MRPL20: variants seen among roughly 807,000 people sequenced by gnomAD.
The protein encoded by MRPL20 is large ribosomal subunit protein bL20m.
A neutral mutation model predicts 20.0 loss-of-function variants in MRPL20; 21 were observed. That is an observed-to-expected ratio of 1.05 (90% CI 0.74 to 1.51). MRPL20 has a LOEUF of 1.51. MRPL20 is among the 40% of genes most tolerant of loss of function. The pLI, the probability that MRPL20 is intolerant of heterozygous loss-of-function variation, is 0.00. For missense variants in MRPL20, 252 were observed against 185.6 expected (o/e 1.36, Z -2.08); for synonymous variants, 104 against 73.0 (o/e 1.43, Z -2.17).
Position 1,402,105 on chromosome 1 carries a change from G to A in MRPL20, c.428C>T (p.Ser143Phe). 6.2e-7 allele frequency: 1 copy of A among 1,614,016 alleles called. No homozygotes were observed. Among genetic ancestry groups the A allele is most frequent in the Non-Finnish European group, 8.5e-7 (1 of 1,179,986 alleles). Residue 143 changes from serine (S) to phenylalanine (F), a missense_variant, in exon 4 of 4, where the codon TCC (serine) becomes TTC (phenylalanine). Transcript: ENST00000344843. ...GDGKEPEGIFSRVVQYH is the reference protein window; with the variant it reads ...GDGKEPEGIFFRVVQYH Reference sequence around the variant, plus strand: ...TCCTCAGTGGTACTGCACCACTCTGGAAAAAATGCCTTCAGGTTCCTTCCC... The same window carrying A: ...TCCTCAGTGGTACTGCACCACTCTGAAAAAAATGCCTTCAGGTTCCTTCCC...
At chr1:1,405,909 T>C (rs774124047) in intron 2 of MRPL20, 23 bp from the exon 3 acceptor site, 7 of 1,596,926 alleles carry the variant, frequency 4.4e-6, no homozygotes, top group Middle Eastern at 3.3e-4. Context: ...AACATGAAGA[T>C]ACTTAAAAAT....
In MRPL20 at chr1:1,407,016, A is replaced by T. The variant is rs780306569; in HGVS notation, c.91T>A (p.Phe31Ile). Residue 31 changes from phenylalanine (F) to isoleucine (I), a missense_variant, in exon 2 of 4, where the codon TTC becomes ATC. Transcript: ENST00000344843. Reference sequence around the variant, plus strand: ...TAGCAGCGATTTTTCCTTCCCCGGAAGTGCTGGGACAGAAAACGAGAAACC... The same window carrying T: ...TAGCAGCGATTTTTCCTTCCCCGGATGTGCTGGGACAGAAAACGAGAAACC... ...IQEVLKHARH[F>I]RGRKNRCYRL... The T allele has an allele frequency of 2.1e-5, 34 of 1,613,422 alleles. 1 individual carries two copies. Among genetic ancestry groups the T allele is most frequent in the East Asian group, 2.2e-5 (1 of 44,878 alleles).
At chr1:1,402,414 C>A in intron 3 of MRPL20, 158 bp from the exon 4 acceptor site, 2 of 1,386,306 alleles carry the variant, frequency 1.4e-6, no homozygotes, top group Non-Finnish European at 1.9e-6. Flanking sequence ...CAGAGGACTT[C>A]CAGGCAGGAT....
intron 2 of MRPL20, chr1:1,406,689 G>A (rs1157952487): frequency 6.9e-6 from 4 of 577,960 alleles, no homozygotes; most frequent in South Asian, 5.8e-5. Context: ...GCCCGGGCGA[G>A]GGGCTGGAGC....
chr1:1,402,704 G>T, intron 3 of MRPL20: 1 of 863,848 alleles, frequency 1.2e-6, no homozygotes, highest in Non-Finnish European at 1.4e-6. Flanking sequence ...AGCTACCAAG[G>T]CAGGGCACGG....
Position 1,402,072 on chromosome 1 carries a change from A to G in MRPL20, c.*11T>C. ...CTCTGTCTCTTTTCCTAATCAATAC[A>G]GCAACAGTCCTCAGTGGTACTGCAC... On this transcript the variant is annotated 3_prime_UTR_variant, in exon 4 of 4. Coordinates refer to ENST00000344843, the MANE Select transcript of MRPL20 (RefSeq NM_017971.4). The G allele has an allele frequency of 6.2e-7, 1 of 1,604,568 alleles. No homozygotes were observed. The highest frequency in any genetic ancestry group is 8.5e-7 in the Non-Finnish European group (1 of 1,176,646).
At chr1:1,404,050 G>C (rs912059470) in intron 3 of MRPL20, among the ~76,000 whole-genome samples, 1 of 151,484 alleles carries the variant, frequency 6.6e-6, no homozygotes, top group East Asian at 1.9e-4. Flanking sequence ...CATTGCCCAG[G>C]CTGCTGTCGA....
intron 2 of MRPL20, chr1:1,406,513 C>G (rs1332293487): frequency 4.1e-6 from 1 of 241,876 alleles, no homozygotes; most frequent in Non-Finnish European, 8.3e-6. Flanking sequence ...CAGGCGTGGT[C>G]TCTTCGAGGA....
chr1:1,405,759 G>C (rs369483009), intron 3 of MRPL20, 50 bp downstream of exon 3: 15 of 1,613,936 alleles, frequency 9.3e-6, no homozygotes, highest in Non-Finnish European at 1.7e-6. Flanking sequence ...CCGCATGATG[G>C]TTTCTGCAGA....
At chr1:1,406,707 G>A (rs2100399836) in intron 2 of MRPL20, 3 of 601,454 alleles carry the variant, frequency 5.0e-6, no homozygotes, top group South Asian at 3.6e-5. Context: ...AGCAGGGGGT[G>A]ACAGTGGGGG....
chr1:1,405,316 T>C (rs4970446), intron 3 of MRPL20: 39,538 of 326,714 alleles, frequency 0.12, 4,070 homozygotes, highest in African/African-American at 0.34. Flanking sequence ...TGCTCTCACC[T>C]AGGCTAGAGT....
intron 3 of MRPL20, 108 bp from the exon 4 acceptor site, chr1:1,402,364 G>A (rs1465469251): frequency 2.8e-5 from 41 of 1,446,918 alleles, no homozygotes; most frequent in Non-Finnish European, 3.6e-5. Flanking sequence ...CTCGCCTGGG[G>A]GGAGGGAAGG....
At chr1:1,402,556 G>A in intron 3 of MRPL20, 2 of 1,130,646 alleles carry the variant, frequency 1.8e-6, no homozygotes, top group Non-Finnish European at 2.2e-6. Context: ...CCCTGACTGA[G>A]CTGACTGCTG....
intron 3 of MRPL20, 54 bp downstream of exon 3, chr1:1,405,755 G>A (rs767633018): frequency 1.2e-5 from 19 of 1,613,918 alleles, no homozygotes; most frequent in Admixed American, 8.3e-5. Context: ...CGCCCCGCAT[G>A]ATGGTTTCTG....
chr1:1,406,336 C>T (rs768725284), intron 2 of MRPL20: 1 of 177,278 alleles, frequency 5.6e-6, no homozygotes, highest in Non-Finnish European at 1.2e-5. Context: ...GGTGACAGCG[C>T]GAGACTCCGT....
chr1:1,406,447 T>G, intron 2 of MRPL20: 1 of 200,248 alleles, frequency 5.0e-6, no homozygotes, highest in Non-Finnish European at 1.0e-5. Context: ...GTGGACAGAG[T>G]GGAGGCGCCA....
chr1:1,403,293 G>C (rs1249674602), intron 3 of MRPL20, among the ~76,000 whole-genome samples: 1 of 151,742 alleles, frequency 6.6e-6, no homozygotes, highest in Non-Finnish European at 1.5e-5. Context: ...GCCCAAGCTG[G>C]AGTGCAGTGG....
In MRPL20 at chr1:1,406,996, G is replaced by C. The variant is rs1313349052; in HGVS notation, c.111C>G (p.Arg37=). 6.2e-7 allele frequency: 1 copy of C among 1,613,830 alleles called. No homozygotes were observed. Among genetic ancestry groups the C allele is most frequent in the South Asian group, 1.1e-5 (1 of 91,088 alleles). Residue 37 remains arginine (R), a synonymous_variant, in exon 2 of 4, where the codon CGC becomes CGG. Coordinates refer to ENST00000344843, the MANE Select transcript of MRPL20 (RefSeq NM_017971.4). ...CGGTTCTGACCGCCAACCTGTAGCA[G>C]CGATTTTTCCTTCCCCGGAAGTGCT... ...HARHFRGRKN[R]CYRLAVRTVI... is the part of the protein sequence containing the mutation.
rs1364631572 is a variant in MRPL20, at chr1:1,404,591, C to A, written c.276+1218G>T. 2.0e-5 allele frequency among the ~76,000 whole-genome samples: 3 copies of A among 151,450 alleles called. No individual in the cohort carries two copies. The East Asian group carries it at 5.8e-4, about 29-fold the overall frequency. On this transcript the variant is annotated intron_variant, in intron 3 of 3. Transcript: ENST00000344843. The stretch of plus-strand genomic sequence containing the variant: ...ACTCGGCTCACTGCAGCCTCTGCCT[C>A]CCAAGTTCAAGCGATTCTCCAGCCT...
Sources: allele counts gnomAD v4.1 joint callset (sites outside exome capture counted in the v4.1 genomes callset), GRCh38; gene constraint gnomAD v4.1.1; transcripts MANE v1.5; gene names NCBI Gene and HGNC (gene_info 2026-07-23, HGNC 2026-07-21).